Variants in C5AR2 observed in about 807,000 individuals in gnomAD.
The protein encoded by C5AR2 is complement C5a receptor 2.
For missense variants in C5AR2, 458 were observed against 467.5 expected (o/e 0.98, Z 0.19); for synonymous variants, 224 against 216.5 (o/e 1.03, Z -0.30).
At position 47,340,897 on chromosome 19, in the gene C5AR2, C is replaced by A. The variant is rs200440279; in HGVS notation, c.98C>A (p.Pro33Gln). The change falls in exon 2 of 2, where the codon CCG becomes CAG. Residue 33 changes from proline to glutamine, a missense_variant. Coordinates refer to ENST00000595464, the MANE Select transcript of C5AR2 (RefSeq NM_001271749.2). The part of the protein sequence containing the change: ...CLDGACLAID[P>Q]LRVAPLPLYA... ...GATGGCGCCTGCCTGGCCATCGACC[C>A]GCTGCGCGTGGCCCCGCTCCCACTG... 1.2e-6 allele frequency: 2 copies of A among 1,613,032 alleles called. No homozygotes were observed. Among genetic ancestry groups the A allele is most frequent in the East Asian group, 4.5e-5 (2 of 44,874 alleles).
Position 47,347,250 on chromosome 19 carries a change from G to T in C5AR2, c.*5437G>T, listed in dbSNP as rs906708835. On this transcript the variant is annotated 3_prime_UTR_variant, in exon 2 of 2. Coordinates refer to ENST00000595464, the MANE Select transcript of C5AR2 (RefSeq NM_001271749.2). ...ACAATCCTATGGTTGATAGACTGTG[G>T]CTTTCTTGTTGATTTCCATTTGTTG... 10 of 151,844 alleles carry T rather than the reference G, an allele frequency of 6.6e-5. No individual in the cohort carries two copies. The highest frequency in any genetic ancestry group is 2.4e-4 in the African/African-American group (10 of 41,362). The allele number at this position is 151,844 out of a possible 1,614,324, so 9.4% of individuals were successfully genotyped here. A position where few individuals can be genotyped will look rare whatever the true frequency, so the allele number is the denominator to read the frequency against.
intron 1 of C5AR2, among the ~76,000 whole-genome samples, chr19:47,335,026 A>C (rs1204287219): frequency 6.7e-6 from 1 of 149,480 alleles, no homozygotes; most frequent in Non-Finnish European, 1.5e-5. Flanking sequence ...CTGAGATTAC[A>C]GGCACTCGCC....
chr19:47,340,088 A>C (rs1481982915), intron 1 of C5AR2, among the ~76,000 whole-genome samples: 2 of 151,478 alleles, frequency 1.3e-5, no homozygotes, highest in Non-Finnish European at 2.9e-5. Flanking sequence ...TTCGGCAGCT[A>C]GGATCACAGG....
Position 47,344,652 on chromosome 19 carries a change from C to T in C5AR2, c.*2839C>T, listed in dbSNP as rs1035328640. 4 of 152,146 alleles carry T rather than the reference C, an allele frequency of 2.6e-5. No individual in the cohort carries two copies. Among genetic ancestry groups the T allele is most frequent in the Admixed American group, 1.3e-4 (2 of 15,252 alleles). The allele number at this position is 152,146 out of a possible 1,614,324, so 9.4% of individuals were successfully genotyped here. ...ATGTCACTTCCTCCAGGAAGCCCTC[C>T]CTGATTTATGCTCCTTCCAGAAAGA... On this transcript the variant is annotated 3_prime_UTR_variant, in exon 2 of 2. Transcript: ENST00000595464.
intron 1 of C5AR2, among the ~76,000 whole-genome samples, chr19:47,336,476 CCTTCCTTCCTTCCTTTCTTTCTTT>C (rs2059358673): frequency 4.1e-5 from 4 of 97,718 alleles, no homozygotes; most frequent in African/African-American, 1.5e-4. Context: ...TTCCTTCCTT[CCTTCCTTCCTTCCTTTCTTTCTTT>C]CTTTCTTTCT....
At chr19:47,339,636 C>T (rs2059374503) in intron 1 of C5AR2, among the ~76,000 whole-genome samples, 1 of 152,040 alleles carries the variant, frequency 6.6e-6, no homozygotes, top group East Asian at 1.9e-4. Flanking sequence ...TCTGCTATTG[C>T]CTCTCACCCT....
In C5AR2 at chr19:47,337,522, C is replaced by T. The variant is rs184434131; in HGVS notation, c.-15-3263C>T. ...ACTAAAAATACACAAATTAGTTGGGCATGGTGGCGGGTGCCTGTAGTCCCA... is the reference window on the plus strand; with the variant it reads ...ACTAAAAATACACAAATTAGTTGGGTATGGTGGCGGGTGCCTGTAGTCCCA... On this transcript the variant is annotated intron_variant, in intron 1 of 1. Transcript: ENST00000595464. Among the ~76,000 whole-genome samples, 955 of 152,064 alleles carry T rather than the reference C, an allele frequency of 6.3e-3. 11 individuals carry two copies. Among genetic ancestry groups the T allele is most frequent in the African/African-American group, 0.021 (888 of 41,506 alleles).
chr19:47,344,868 G>C lies in C5AR2; in HGVS notation c.*3055G>C, dbSNP rs1390726638. The C allele has an allele frequency of 6.6e-6, 1 of 152,102 alleles. No individual in the cohort carries two copies. Among genetic ancestry groups the C allele is most frequent in the Non-Finnish European group, 1.5e-5 (1 of 68,036 alleles). The allele number at this position is 152,102 out of a possible 1,614,324, so 9.4% of individuals were successfully genotyped here. A position where few individuals can be genotyped will look rare whatever the true frequency, so the allele number is the denominator to read the frequency against. ...GGCTGACCGCAACCTCCACCTCCCGGGTTCAAGCGATTCTTATGCCTCAGC... is the reference window on the plus strand; with the variant it reads ...GGCTGACCGCAACCTCCACCTCCCGCGTTCAAGCGATTCTTATGCCTCAGC... On this transcript the variant is annotated 3_prime_UTR_variant, in exon 2 of 2. Coordinates refer to ENST00000595464, the MANE Select transcript of C5AR2 (RefSeq NM_001271749.2).
intron 1 of C5AR2, among the ~76,000 whole-genome samples, chr19:47,334,468 G>GCA (rs373044897): frequency 7.2e-6 from 1 of 138,406 alleles, no homozygotes; most frequent in Non-Finnish European, 1.5e-5. Flanking sequence ...TGTCCATACA[G>GCA]AAAAAAAAAA....
At chr19:47,337,619 G>A (rs893716451) in intron 1 of C5AR2, among the ~76,000 whole-genome samples, 2 of 151,758 alleles carry the variant, frequency 1.3e-5, no homozygotes, top group African/African-American at 2.4e-5. Flanking sequence ...CCGAGATTGC[G>A]TCACTGCACT....
intron 1 of C5AR2, chr19:47,337,186 G>C (rs1273081394): frequency 1.3e-5 from 2 of 152,238 alleles, no homozygotes; most frequent in African/African-American, 4.8e-5. Flanking sequence ...TCACCTCAAT[G>C]ACTCTTGTTT....
At chr19:47,337,966 C>T (rs140834564) in intron 1 of C5AR2, among the ~76,000 whole-genome samples, 4 of 151,220 alleles carry the variant, frequency 2.6e-5, no homozygotes, top group African/African-American at 4.9e-5. Flanking sequence ...CCCAGCTACT[C>T]GGGAGGCTTG....
At chr19:47,340,673 C>T (rs758819333) in intron 1 of C5AR2, 112 bp from the exon 2 acceptor site, 97 of 934,894 alleles carry the variant, frequency 1.0e-4, no homozygotes, top group Non-Finnish European at 1.4e-4. Flanking sequence ...GTCCTTATGA[C>T]GCAATATTCC....
chr19:47,332,977 G>A (rs1210163481), intron 1 of C5AR2, among the ~76,000 whole-genome samples: 2 of 152,022 alleles, frequency 1.3e-5, no homozygotes, highest in East Asian at 1.9e-4. Context: ...TTAACTCAGC[G>A]ATTCCAATTC....
intron 1 of C5AR2, 114 bp downstream of exon 1, chr19:47,332,463 C>G (rs1276191572): frequency 1.3e-5 from 2 of 152,236 alleles, no homozygotes; most frequent in Non-Finnish European, 2.9e-5. Flanking sequence ...TTGAGAAGTG[C>G]AGTCTTATTA....
At position 47,341,045 on chromosome 19, in the gene C5AR2, G is replaced by C; in HGVS notation, c.246G>C (p.Leu82=). The change falls in exon 2 of 2, where the codon CTG becomes CTC. Residue 82 remains leucine (L), a synonymous_variant. Transcript: ENST00000595464. The surrounding 1 kb of genome is among the most constrained non-coding windows in gnomAD (Gnocchi z 4.6). ...WLLHLAVADL[L]CCLSLPILAV... ...TCCACCTGGCCGTGGCGGATTTGCT[G>C]TGCTGTTTGTCTCTGCCCATCCTGG... 1.2e-6 allele frequency: 2 copies of C among 1,606,886 alleles called. No homozygotes were observed. Among genetic ancestry groups the C allele is most frequent in the Non-Finnish European group, 1.7e-6 (2 of 1,179,922 alleles).
At position 47,342,224 on chromosome 19, in the gene C5AR2, G is replaced by T. The variant is rs544174474; in HGVS notation, c.*411G>T. 1 of 163,010 alleles carries T rather than the reference G, an allele frequency of 6.1e-6. No individual in the cohort carries two copies. The highest frequency in any genetic ancestry group is 5.8e-5 in the Admixed American group (1 of 17,210). 10.1% of individuals were successfully genotyped at this position (163,010 alleles called of 1,614,324 possible). On this transcript the variant is annotated 3_prime_UTR_variant, in exon 2 of 2. Transcript: ENST00000595464. Reference sequence around the variant, plus strand: ...ACAAAAATTAGCCGGGCATGGTGGCGCATGCCTGTAGTCCCAGCTACTTGG... The same window carrying T: ...ACAAAAATTAGCCGGGCATGGTGGCTCATGCCTGTAGTCCCAGCTACTTGG...
At chr19:47,337,346 G>A (rs918723559) in intron 1 of C5AR2, among the ~76,000 whole-genome samples, 1 of 152,194 alleles carries the variant, frequency 6.6e-6, no homozygotes, top group Non-Finnish European at 1.5e-5. Flanking sequence ...GGGTTCTGCA[G>A]CGGGGACTAA....
In C5AR2 at chr19:47,332,814, A is replaced by G. The variant is rs1056544755; in HGVS notation, c.-16+465A>G. On this transcript the variant is annotated intron_variant, in intron 1 of 1. Coordinates refer to ENST00000595464, the MANE Select transcript of C5AR2 (RefSeq NM_001271749.2). ...GGTGATCTGTCCGCCTTGGCCTCCC[A>G]AAGTGCTGGGATTACAGGCGTGAGC... Among the ~76,000 whole-genome samples the G allele has an allele frequency of 3.9e-5, 6 of 152,128 alleles. No individual in the cohort carries two copies. The South Asian group carries it at 1.2e-3, about 32-fold the overall frequency.
Sources: gnomAD v4.1 joint callset for allele counts (sites outside exome capture counted in the v4.1 genomes callset) on GRCh38, gnomAD v4.1.1 for gene constraint, Gnocchi (gnomAD v3.1) non-coding constraint, MANE v1.5 for transcripts, NCBI Gene and HGNC (gene_info 2026-07-23, HGNC 2026-07-21) for gene names.